THRB: variants seen among roughly 807,000 people sequenced by gnomAD.
THRB encodes the protein thyroid hormone receptor beta.
Under a neutral mutation model 47.8 loss-of-function variants are expected in THRB, and 12 were observed. That is an observed-to-expected ratio of 0.25 (90% confidence interval 0.16 to 0.41). THRB has a LOEUF of 0.41. Ranked by LOEUF, THRB falls within the 10% of genes least tolerant of loss-of-function variation. The pLI is 1.00. For missense variants in THRB, 348 were observed against 589.2 expected, an observed-to-expected ratio of 0.59 and a Z score of 4.24; for synonymous variants, 218 against 212.2, an observed-to-expected ratio of 1.03 and a Z score of -0.24.
At chr3:24,472,492 T>C (rs1694849727) in intron 1 of THRB, among the ~76,000 whole-genome samples, 2 of 152,180 alleles carry the variant, frequency 1.3e-5, no homozygotes, top group South Asian at 4.2e-4. Context: ...AAAAGGAATG[T>C]CAACTGTGCA....
chr3:24,370,085 T>C (rs2064790933), intron 1 of THRB, among the ~76,000 whole-genome samples: 1 of 152,190 alleles, frequency 6.6e-6, no homozygotes, highest in Non-Finnish European at 1.5e-5. Flanking sequence ...CTGCAGCAGT[T>C]GTTTAGAACT....
intron 3 of THRB, among the ~76,000 whole-genome samples, chr3:24,280,485 G>A (rs2054445342): frequency 6.6e-6 from 1 of 152,130 alleles, no homozygotes; most frequent in South Asian, 2.1e-4. Flanking sequence ...CAAAGATGGG[G>A]AAAAAACAGA....
chr3:24,124,372 CT>C (rs1418478019), intron 10 of THRB, among the ~76,000 whole-genome samples: 1 of 152,208 alleles, frequency 6.6e-6, no homozygotes, highest in Non-Finnish European at 1.5e-5. Flanking sequence ...TATCTTCTCT[CT>C]TTCTTTGAGT....
chr3:24,491,746 C>T (rs1355873105), intron 1 of THRB, among the ~76,000 whole-genome samples: 1 of 152,192 alleles, frequency 6.6e-6, no homozygotes, highest in Non-Finnish European at 1.5e-5. Context: ...ACTGCCATCA[C>T]CCAGTGAAGT....
intron 5 of THRB, among the ~76,000 whole-genome samples, chr3:24,182,607 G>C (rs1307379957): frequency 2.0e-5 from 3 of 152,156 alleles, no homozygotes. Flanking sequence ...CTGGCTCATT[G>C]TAAGAAAAAT....
chr3:24,184,953 G>T (rs1422854251), intron 5 of THRB, among the ~76,000 whole-genome samples: 5 of 152,166 alleles, frequency 3.3e-5, no homozygotes, highest in Admixed American at 3.3e-4. Flanking sequence ...TAACATGAAG[G>T]ATTATAATGC....
chr3:24,198,141 G>A (rs1202676435), intron 4 of THRB, among the ~76,000 whole-genome samples: 1 of 152,282 alleles, frequency 6.6e-6, no homozygotes, highest in East Asian at 1.9e-4. Context: ...GTGCCTGCTC[G>A]CTTCCATTTA....
intron 3 of THRB, among the ~76,000 whole-genome samples, chr3:24,241,829 C>T (rs2049541363): frequency 6.6e-6 from 1 of 152,138 alleles, no homozygotes; most frequent in African/African-American, 2.4e-5. Context: ...GAGTTATAAA[C>T]TCTGAAGGTG....
At chr3:24,342,169 AAG>A (rs1491104216) in intron 1 of THRB, among the ~76,000 whole-genome samples, 1 of 141,366 alleles carries the variant, frequency 7.1e-6, no homozygotes, top group Non-Finnish European at 1.6e-5. Flanking sequence ...AAAAAAAAAA[AAG>A]AGAGAGATGC....
chr3:24,187,970 C>A (rs2042817218), intron 5 of THRB, among the ~76,000 whole-genome samples: 1 of 152,196 alleles, frequency 6.6e-6, no homozygotes, highest in Non-Finnish European at 1.5e-5. Flanking sequence ...GGTGGTTACT[C>A]TGGAAAACAT....
chr3:24,196,230 T>TG (rs2043938332), intron 4 of THRB, among the ~76,000 whole-genome samples: 1 of 152,210 alleles, frequency 6.6e-6, no homozygotes. Flanking sequence ...AAGTTGCTTC[T>TG]GGTTGCCAAG....
At chr3:24,188,700 G>A (rs1178632302) in intron 5 of THRB, among the ~76,000 whole-genome samples, 5 of 151,818 alleles carry the variant, frequency 3.3e-5, no homozygotes, top group Admixed American at 6.6e-5. Context: ...GGCCACATAC[G>A]CTAAGAGTAA....
At chr3:24,407,924 T>C (rs1463998991) in intron 1 of THRB, among the ~76,000 whole-genome samples, 1 of 151,886 alleles carries the variant, frequency 6.6e-6, no homozygotes, top group Non-Finnish European at 1.5e-5. Context: ...GGATAAAATA[T>C]ATCGAAAATA....
chr3:24,149,425 T>C (rs1184434558), intron 6 of THRB, among the ~76,000 whole-genome samples: 1 of 152,172 alleles, frequency 6.6e-6, no homozygotes, highest in Non-Finnish European at 1.5e-5. Flanking sequence ...AAGGAGTACA[T>C]TGACCAGTAA....
intron 5 of THRB, among the ~76,000 whole-genome samples, chr3:24,164,119 T>G (rs1156984830): frequency 6.6e-6 from 1 of 152,202 alleles, no homozygotes; most frequent in East Asian, 1.9e-4. Context: ...CTGGCATATC[T>G]GCACTAGCAT....
intron 1 of THRB, among the ~76,000 whole-genome samples, chr3:24,447,114 T>C (rs1015294205): frequency 6.6e-6 from 1 of 152,210 alleles, no homozygotes. Context: ...ATTTTAATTA[T>C]AAAATTAGGA....
At chr3:24,253,753 C>T (rs116755574) in intron 3 of THRB, among the ~76,000 whole-genome samples, 1,760 of 152,200 alleles carry the variant, frequency 0.012, 23 homozygotes, top group Non-Finnish European at 0.019. Flanking sequence ...ACTACGGTGG[C>T]CAAATAAAAC....
intron 8 of THRB, among the ~76,000 whole-genome samples, chr3:24,140,618 G>T (rs1013051197): frequency 2.0e-5 from 3 of 152,106 alleles, no homozygotes; most frequent in Admixed American, 2.0e-4. Flanking sequence ...GAGAGACCAG[G>T]TGGCTTCCCT....
Position 24,417,895 on chromosome 3 carries a change from T to C in THRB, c.-261+76757A>G, listed in dbSNP as rs553526335. 7.2e-5 allele frequency among the ~76,000 whole-genome samples: 11 copies of C among 151,970 alleles called. No homozygotes were observed. In the South Asian group the frequency reaches 8.3e-4, roughly 11 times the overall value. ...TAGAGGAATTAAGTAATTCAGTCAT[T>C]ACCTGTAATCAGTCAGAGGACTAGT... On this transcript the variant is annotated intron_variant, in intron 1 of 10. Transcript: ENST00000646209.
Sources: allele counts gnomAD v4.1 joint callset (sites outside exome capture counted in the v4.1 genomes callset), GRCh38; gene constraint gnomAD v4.1.1; transcripts MANE v1.5; gene names NCBI Gene and HGNC (gene_info 2026-07-23, HGNC 2026-07-21).